The following INPP4B variants were observed in gnomAD, a reference collection of about 807,000 sequenced individuals.
INPP4B encodes inositol polyphosphate 4-phosphatase type II.
Under a neutral mutation model 122.5 loss-of-function variants are expected in INPP4B, and 55 were observed. That is an observed-to-expected ratio of 0.45 (90% CI 0.36 to 0.56). The LOEUF (loss-of-function observed/expected upper bound fraction) is 0.56, where lower values mean the gene tolerates loss of function less well. INPP4B is among the 20% of genes least tolerant of loss of function. The probability of loss-of-function intolerance (pLI) is 0.00; values close to 1 mark genes in which losing one functional copy is unlikely to be tolerated. For synonymous variants in INPP4B, 403 were observed against 388.7 expected, an observed-to-expected ratio of 1.04 and a Z score of -0.43; for missense variants, 1,000 against 1,097.7, an observed-to-expected ratio of 0.91 and a Z score of 1.26.
At chr4:142,845,702 C>T (rs920833841) in intron 1 of INPP4B, among the ~76,000 whole-genome samples, 1 of 152,144 alleles carries the variant, frequency 6.6e-6, no homozygotes, top group African/African-American at 2.4e-5. Context: ...ACCACTGCCT[C>T]TATTCCTTAA....
intron 2 of INPP4B, among the ~76,000 whole-genome samples, chr4:142,626,119 C>G (rs1375615811): frequency 6.6e-6 from 1 of 152,062 alleles, no homozygotes; most frequent in East Asian, 1.9e-4. Flanking sequence ...CAACAGAAGC[C>G]AAAATTGACA....
intron 7 of INPP4B, among the ~76,000 whole-genome samples, chr4:142,366,898 C>G (rs756705058): frequency 7.2e-5 from 11 of 152,020 alleles, no homozygotes; most frequent in Non-Finnish European, 1.6e-4. Context: ...AATGGTTTAG[C>G]TGAAGAGGAT....
At chr4:142,724,760 C>T (rs1012588606) in intron 2 of INPP4B, among the ~76,000 whole-genome samples, 4 of 152,064 alleles carry the variant, frequency 2.6e-5, no homozygotes, top group Non-Finnish European at 4.4e-5. Flanking sequence ...AAATATATCA[C>T]ATTTGTAATT....
intron 15 of INPP4B, among the ~76,000 whole-genome samples, chr4:142,177,177 C>A (rs1828719098): frequency 2.0e-5 from 3 of 152,086 alleles, no homozygotes; most frequent in Admixed American, 2.0e-4. Flanking sequence ...ATGAGCACCT[C>A]ACCTACTGAG....
chr4:142,685,774 TTAAA>T (rs1278150846), intron 2 of INPP4B, among the ~76,000 whole-genome samples: 2 of 152,048 alleles, frequency 1.3e-5, no homozygotes, highest in African/African-American at 2.4e-5. Context: ...AAAATTATTA[TTAAA>T]TAAATAGGTT....
At chr4:142,321,607 G>C (rs138557980) in intron 7 of INPP4B, among the ~76,000 whole-genome samples, 4 of 152,234 alleles carry the variant, frequency 2.6e-5, no homozygotes, top group African/African-American at 9.6e-5. Flanking sequence ...ATTTGTGTAT[G>C]AGGTCAGAGA....
At chr4:142,400,436 T>C (rs1229014770) in intron 7 of INPP4B, among the ~76,000 whole-genome samples, 6 of 152,190 alleles carry the variant, frequency 3.9e-5, no homozygotes, top group Non-Finnish European at 7.4e-5. Flanking sequence ...TTAATATATT[T>C]AGGTTAAGTG....
intron 2 of INPP4B, among the ~76,000 whole-genome samples, chr4:142,539,529 C>T (rs959584622): frequency 1.3e-5 from 2 of 152,006 alleles, no homozygotes; most frequent in African/African-American, 2.4e-5. Flanking sequence ...CCCTTTGCCG[C>T]TCCCTTCCTT....
At chr4:142,271,720 G>A (rs1745950278) in intron 9 of INPP4B, among the ~76,000 whole-genome samples, 1 of 152,072 alleles carries the variant, frequency 6.6e-6, no homozygotes, top group Non-Finnish European at 1.5e-5. Flanking sequence ...ACCCTTCCAA[G>A]GTAACGAAGT....
At chr4:142,337,052 A>G (rs1030546799) in intron 7 of INPP4B, among the ~76,000 whole-genome samples, 1 of 152,008 alleles carries the variant, frequency 6.6e-6, no homozygotes, top group African/African-American at 2.4e-5. Flanking sequence ...CTACATTTCA[A>G]CTTTATGTAA....
At chr4:142,449,446 G>C (rs531899013) in intron 3 of INPP4B, among the ~76,000 whole-genome samples, 42 of 152,314 alleles carry the variant, frequency 2.8e-4, no homozygotes, top group Admixed American at 1.0e-3. Context: ...GCTCATGCCT[G>C]TAATCCCAGC....
At chr4:142,273,669 C>T (rs1422383013) in intron 9 of INPP4B, among the ~76,000 whole-genome samples, 1 of 151,726 alleles carries the variant, frequency 6.6e-6, no homozygotes, top group Non-Finnish European at 1.5e-5. Context: ...TCCTTATCTT[C>T]TATAGGCTTT....
At chr4:142,478,012 C>T (rs566046020) in intron 2 of INPP4B, among the ~76,000 whole-genome samples, 29 of 152,226 alleles carry the variant, frequency 1.9e-4, no homozygotes, top group South Asian at 4.1e-4. Context: ...CATGTCGCCC[C>T]GGCTGGTCTT....
In INPP4B at chr4:142,448,134, G is replaced by C. The variant is rs567653012; in HGVS notation, c.-127+14529C>G. The stretch of plus-strand genomic sequence containing the variant: ...TATCTCAGGATGACAGGGATGTGAG[G>C]CATCACATGATTAGCTATATTCTTG... On this transcript the variant is annotated intron_variant, in intron 3 of 25. Transcript: ENST00000262992. Among the ~76,000 whole-genome samples the C allele has an allele frequency of 1.6e-4, 24 of 152,048 alleles. 1 individual carries two copies. The highest frequency in any genetic ancestry group is 6.8e-3 in the Middle Eastern group (2 of 294).
intron 25 of INPP4B, among the ~76,000 whole-genome samples, chr4:142,036,256 G>GA (rs5862566): frequency 0.1 from 15,751 of 152,134 alleles, 1,493 homozygotes; most frequent in African/African-American, 0.25. Context: ...GTTATCTGCA[G>GA]AAAATCTTAA....
intron 2 of INPP4B, among the ~76,000 whole-genome samples, chr4:142,594,972 A>G (rs1013838608): frequency 6.6e-6 from 1 of 151,372 alleles, no homozygotes; most frequent in African/African-American, 2.4e-5. Flanking sequence ...AAAAAAAAAA[A>G]AAAAAGAAAG....
intron 12 of INPP4B, among the ~76,000 whole-genome samples, chr4:142,216,301 A>G (rs951548165): frequency 2.6e-5 from 4 of 152,232 alleles, no homozygotes; most frequent in African/African-American, 9.6e-5. Flanking sequence ...CAACAAGTTG[A>G]TGCAAGAAGT....
At chr4:142,720,165 C>T (rs1232055383) in intron 2 of INPP4B, among the ~76,000 whole-genome samples, 1 of 152,120 alleles carries the variant, frequency 6.6e-6, no homozygotes, top group Admixed American at 6.5e-5. Context: ...TGAACAGAAA[C>T]TGGTTTAGAA....
chr4:142,614,785 G>A (rs1449059917), intron 2 of INPP4B, among the ~76,000 whole-genome samples: 1 of 151,900 alleles, frequency 6.6e-6, no homozygotes, highest in Non-Finnish European at 1.5e-5. Flanking sequence ...AAACATATGG[G>A]AAAAATGCTC....
Sources: gnomAD v4.1 joint callset for allele counts (sites outside exome capture counted in the v4.1 genomes callset) on GRCh38, gnomAD v4.1.1 for gene constraint, MANE v1.5 for transcripts, NCBI Gene and HGNC (gene_info 2026-07-23, HGNC 2026-07-21) for gene names.